MAP7: variants seen among roughly 807,000 people sequenced by gnomAD.
MAP7 encodes microtubule associated protein 7, also known as ensconsin.
A neutral mutation model predicts 94.8 loss-of-function variants in MAP7; 52 were observed. That is an observed-to-expected ratio of 0.55 (90% CI 0.44 to 0.69). MAP7 has a LOEUF of 0.69. Ranked by LOEUF, MAP7 falls within the 30% of genes least tolerant of loss-of-function variation. MAP7 has a pLI of 0.00. For missense variants in MAP7, 940 were observed against 964.6 expected, an observed-to-expected ratio of 0.97 and a Z score of 0.34; for synonymous variants, 350 against 357.0, an observed-to-expected ratio of 0.98 and a Z score of 0.22.
intron 1 of MAP7, among the ~76,000 whole-genome samples, chr6:136,480,942 T>C (rs1304023557): frequency 6.6e-6 from 1 of 152,198 alleles, no homozygotes; most frequent in Non-Finnish European, 1.5e-5. Context: ...AATGATCTGA[T>C]TTTGAAACGG....
chr6:136,422,368 G>A (rs541389758), intron 1 of MAP7, among the ~76,000 whole-genome samples: 1 of 152,046 alleles, frequency 6.6e-6, no homozygotes, highest in Non-Finnish European at 1.5e-5. Flanking sequence ...AATGCTTTTG[G>A]GGGTGGGGTG....
Position 136,345,587 on chromosome 6 carries a change from C to T in MAP7, c.2239+269G>A, listed in dbSNP as rs118023723. 4.5e-4 allele frequency among the ~76,000 whole-genome samples: 69 copies of T among 152,312 alleles called. 1 individual carries two copies. The East Asian group carries it at 0.013, about 29-fold the overall frequency. ...GCATGATGTCGGGTAATGGGTGCTGCTCTGTGCAGAGAGGCTGACAGACAC... is the reference window on the plus strand; with the variant it reads ...GCATGATGTCGGGTAATGGGTGCTGTTCTGTGCAGAGAGGCTGACAGACAC... On this transcript the variant is annotated intron_variant, in intron 17 of 17. Transcript: ENST00000354570.
At chr6:136,434,306 C>CAAAAA (rs59002856) in intron 1 of MAP7, among the ~76,000 whole-genome samples, 1 of 59,710 alleles carries the variant, frequency 1.7e-5, no homozygotes, top group African/African-American at 5.2e-5. Flanking sequence ...GACTCCGTCT[C>CAAAAA]AAAAAAAAAA....
chr6:136,373,328 A>G (rs1057286105), intron 7 of MAP7, among the ~76,000 whole-genome samples: 2 of 152,256 alleles, frequency 1.3e-5, no homozygotes, highest in African/African-American at 2.4e-5. Flanking sequence ...GGCATTTGAT[A>G]GTTCATAAGA....
At chr6:136,352,910 T>C (rs1170461216) in intron 16 of MAP7, among the ~76,000 whole-genome samples, 2 of 152,202 alleles carry the variant, frequency 1.3e-5, no homozygotes, top group African/African-American at 4.8e-5. Context: ...TAAGAGGTAA[T>C]ACAAGGCAAA....
At chr6:136,441,671 C>T (rs1253901805) in intron 1 of MAP7, among the ~76,000 whole-genome samples, 1 of 152,076 alleles carries the variant, frequency 6.6e-6, no homozygotes, top group Non-Finnish European at 1.5e-5. Context: ...GGTCAAGAAC[C>T]CCTCTCCCTG....
intron 1 of MAP7, among the ~76,000 whole-genome samples, chr6:136,430,010 A>G (rs1355575540): frequency 2.0e-5 from 3 of 152,220 alleles, no homozygotes; most frequent in African/African-American, 4.8e-5. Flanking sequence ...AAAGTACACA[A>G]AAGGGAGGGC....
At chr6:136,483,636 A>T (rs2128971404) in intron 1 of MAP7, among the ~76,000 whole-genome samples, 1 of 152,330 alleles carries the variant, frequency 6.6e-6, no homozygotes, top group African/African-American at 2.4e-5. Flanking sequence ...AACATTAGTT[A>T]AAATGGAAAA....
chr6:136,402,479 CAGAGGGT>C (rs1784362040), intron 3 of MAP7, among the ~76,000 whole-genome samples: 2 of 152,190 alleles, frequency 1.3e-5, no homozygotes, highest in Non-Finnish European at 2.9e-5. Context: ...TGCTCCTGCA[CAGAGGGT>C]CCTTCCCATT....
chr6:136,378,684 A>G (rs187321400), intron 6 of MAP7, among the ~76,000 whole-genome samples: 51 of 152,344 alleles, frequency 3.3e-4, no homozygotes, highest in Non-Finnish European at 6.0e-4. Context: ...GTCCCAAATT[A>G]TATTGGAGCT....
rs567047871 is a variant in MAP7, at chr6:136,432,200, A to T, written c.68-10401T>A. 1.9e-4 allele frequency among the ~76,000 whole-genome samples: 29 copies of T among 150,070 alleles called. 1 individual carries two copies. The South Asian group carries it at 3.2e-3, about 16-fold the overall frequency. The stretch of plus-strand genomic sequence containing the variant: ...TTAAGAAATTCTGTACTCATAAATT[A>T]AAAAAAAAATCCCTAAACTGATACA... On this transcript the variant is annotated intron_variant, in intron 1 of 17. Coordinates refer to ENST00000354570, the MANE Select transcript of MAP7 (RefSeq NM_003980.6).
intron 1 of MAP7, among the ~76,000 whole-genome samples, chr6:136,511,129 G>A (rs903894344): frequency 1.3e-5 from 2 of 152,148 alleles, no homozygotes; most frequent in Non-Finnish European, 2.9e-5. Flanking sequence ...CTTAGATTGT[G>A]AGAAAATCTG....
At chr6:136,354,344 TAAAGG>T (rs1402133422) in intron 16 of MAP7, among the ~76,000 whole-genome samples, 1 of 144,498 alleles carries the variant, frequency 6.9e-6, no homozygotes, top group Non-Finnish European at 1.5e-5. Context: ...ATATTTCCTT[TAAAGG>T]AAATATATAT....
chr6:136,438,500 T>C (rs940626048), intron 1 of MAP7, among the ~76,000 whole-genome samples: 1 of 152,290 alleles, frequency 6.6e-6, no homozygotes, highest in African/African-American at 2.4e-5. Flanking sequence ...TGAGTGTAGG[T>C]GCATTTTTTT....
intron 2 of MAP7, 139 bp from the exon 3 acceptor site, chr6:136,411,836 A>G (rs1033755328): frequency 7.8e-5 from 51 of 650,624 alleles, no homozygotes; most frequent in Admixed American, 1.5e-4. Context: ...AGTACATGTG[A>G]CTAGAGTTAC....
chr6:136,383,902 A>C, intron 5 of MAP7, 121 bp from the exon 6 acceptor site: 1 of 630,284 alleles, frequency 1.6e-6, no homozygotes, highest in Non-Finnish European at 2.8e-6. Context: ...GATCTGTCAT[A>C]ATAACACAGT....
intron 2 of MAP7, among the ~76,000 whole-genome samples, chr6:136,421,483 A>C (rs1307240836): frequency 6.6e-6 from 1 of 152,174 alleles, no homozygotes; most frequent in East Asian, 1.9e-4. Flanking sequence ...CATTTTAAAG[A>C]GAGAAAACCA....
At position 136,343,955 on chromosome 6, in the gene MAP7, C is replaced by T. The variant is rs533464019; in HGVS notation, c.*273G>A. 1 of 239,654 alleles carries T rather than the reference C, an allele frequency of 4.2e-6. No individual in the cohort carries two copies. Among genetic ancestry groups the T allele is most frequent in the African/African-American group, 2.2e-5 (1 of 45,008 alleles). 14.8% of individuals were successfully genotyped at this position (239,654 alleles called of 1,614,324 possible). On this transcript the variant is annotated 3_prime_UTR_variant, in exon 18 of 18. Transcript: ENST00000354570. ...AAATTCTCTTGTCTTTTAAAGAATG[C>T]AGAAAAATATTGATTGCTAAGAAGG...
chr6:136,529,685 T>C (rs1828314092), intron 1 of MAP7, among the ~76,000 whole-genome samples: 1 of 152,246 alleles, frequency 6.6e-6, no homozygotes. Flanking sequence ...AGATTGGCTT[T>C]ATATTGCGTA....
Sources: gnomAD v4.1 joint callset for allele counts (sites outside exome capture counted in the v4.1 genomes callset) on GRCh38, gnomAD v4.1.1 for gene constraint, MANE v1.5 for transcripts, NCBI Gene and HGNC (gene_info 2026-07-23, HGNC 2026-07-21) for gene names.